COL21A1: variants seen among roughly 807,000 people sequenced by gnomAD.
COL21A1 encodes the protein collagen type XXI alpha 1 chain, also known as collagen alpha-1(XXI) chain.
In COL21A1, 149 loss-of-function variants were observed where a neutral mutation model predicts 137.9. The observed-to-expected ratio is 1.08, with a 90% CI of 0.95 to 1.24. The LOEUF is 1.24. Among genes scored for constraint, COL21A1 ranks in the 50% most tolerant of loss-of-function variants. The pLI is 0.00. For synonymous variants in COL21A1, 456 were observed against 391.5 expected, an observed-to-expected ratio of 1.16 and a Z score of -1.95; for missense variants, 1,167 against 1,158.4, an observed-to-expected ratio of 1.01 and a Z score of -0.11.
In COL21A1 at chr6:56,086,791, T is replaced by C. The variant is rs191234851; in HGVS notation, c.1813-9218A>G. 1.3e-3 allele frequency among the ~76,000 whole-genome samples: 200 copies of C among 152,312 alleles called. 1 individual carries two copies. The highest frequency in any genetic ancestry group is 4.7e-3 in the African/African-American group (197 of 41,582). On this transcript the variant is annotated intron_variant, in intron 17 of 29. Transcript: ENST00000244728. ...TAAGGCAGCAATCCTTCTTCCACTA[T>C]TTGCTTCAGTGTCAGTACCCATATC...
chr6:56,389,444 G>A (rs181873665), intron 1 of COL21A1, among the ~76,000 whole-genome samples: 2 of 150,678 alleles, frequency 1.3e-5, no homozygotes, highest in African/African-American at 4.9e-5. Context: ...CAAGAAAGTA[G>A]ACTTAAAATG....
Position 56,067,301 on chromosome 6 carries a change from A to C in COL21A1, c.2121T>G (p.Gly707=), listed in dbSNP as rs1310815348. The change falls in exon 23 of 30, where the codon GGT becomes GGG. Residue 707 remains glycine, a synonymous_variant. Coordinates refer to ENST00000244728, the MANE Select transcript of COL21A1 (RefSeq NM_030820.4). ...AAAAAAGCAAACAACATACCTGAATACCTTTTTCACCTTGATTTCCTTTGT... is the reference window on the plus strand; with the variant it reads ...AAAAAAGCAAACAACATACCTGAATCCCTTTTTCACCTTGATTTCCTTTGT... ...KGDKGNQGEK[G]IQGQKGENGR... 2 of 1,608,734 alleles carry C rather than the reference A, an allele frequency of 1.2e-6. No homozygotes were observed. Among genetic ancestry groups the C allele is most frequent in the South Asian group, 2.2e-5 (2 of 90,692 alleles).
intron 1 of COL21A1, among the ~76,000 whole-genome samples, chr6:56,201,246 C>T (rs1322289893): frequency 1.3e-5 from 2 of 152,086 alleles, no homozygotes; most frequent in African/African-American, 2.4e-5. Context: ...TTCTCCCATT[C>T]TGTAGGTTGC....
chr6:56,093,021 A>G (rs564549660), intron 17 of COL21A1, among the ~76,000 whole-genome samples: 2 of 152,072 alleles, frequency 1.3e-5, no homozygotes, highest in African/African-American at 4.8e-5. Flanking sequence ...CCTCTTCCCT[A>G]TGTGAAATTT....
intron 9 of COL21A1, among the ~76,000 whole-genome samples, chr6:56,162,880 C>T (rs918265508): frequency 4.6e-5 from 7 of 152,072 alleles, no homozygotes; most frequent in African/African-American, 9.7e-5. Context: ...AAATAATAGA[C>T]GGTTACTTTA....
chr6:56,125,348 A>T, intron 14 of COL21A1: 1 of 351,208 alleles, frequency 2.8e-6, no homozygotes, highest in Non-Finnish European at 5.1e-6. Flanking sequence ...CAGAATGATC[A>T]ACAATACAAC....
chr6:56,066,245 G>T (rs1171449666), intron 23 of COL21A1, among the ~76,000 whole-genome samples: 1 of 151,878 alleles, frequency 6.6e-6, no homozygotes, highest in Non-Finnish European at 1.5e-5. Context: ...GATAAAAATT[G>T]TCTAAAAAAC....
At chr6:56,167,278 G>A (rs896087064) in intron 6 of COL21A1, among the ~76,000 whole-genome samples, 1 of 152,090 alleles carries the variant, frequency 6.6e-6, no homozygotes, top group African/African-American at 2.4e-5. Flanking sequence ...AGAGCATTTT[G>A]TCGGACACTT....
intron 1 of COL21A1, among the ~76,000 whole-genome samples, chr6:56,285,045 A>G (rs969548307): frequency 5.3e-5 from 8 of 152,168 alleles, no homozygotes; most frequent in African/African-American, 1.9e-4. Flanking sequence ...CCTGCACTCT[A>G]TTGATTTTGG....
chr6:56,298,484 TG>T (rs1199188643), intron 1 of COL21A1, among the ~76,000 whole-genome samples: 13 of 152,016 alleles, frequency 8.6e-5, no homozygotes, highest in Non-Finnish European at 1.9e-4. Flanking sequence ...TTGTTGTCTC[TG>T]TAACCTATAA....
chr6:56,316,565 T>C (rs1179697693), intron 1 of COL21A1, among the ~76,000 whole-genome samples: 2 of 136,336 alleles, frequency 1.5e-5, no homozygotes, highest in Non-Finnish European at 3.1e-5. Context: ...CACTGCAACC[T>C]CTGTCTCTCA....
chr6:56,058,496 T>A (rs1281238550), intron 29 of COL21A1, among the ~76,000 whole-genome samples: 1 of 152,154 alleles, frequency 6.6e-6, no homozygotes, highest in Non-Finnish European at 1.5e-5. Flanking sequence ...GCACAGTGGT[T>A]TGGGCCACTT....
At chr6:56,071,173 T>G (rs1049927667) in intron 20 of COL21A1, among the ~76,000 whole-genome samples, 3 of 151,548 alleles carry the variant, frequency 2.0e-5, no homozygotes, top group Non-Finnish European at 3.0e-5. Context: ...TCTCACTTTC[T>G]CAGTAGGACT....
chr6:56,388,189 G>A (rs1386770361), intron 1 of COL21A1, among the ~76,000 whole-genome samples: 1 of 152,218 alleles, frequency 6.6e-6, no homozygotes, highest in Non-Finnish European at 1.5e-5. Flanking sequence ...GCCCTGAAGG[G>A]AAGGATCTAG....
intron 1 of COL21A1, among the ~76,000 whole-genome samples, chr6:56,212,847 T>C (rs1209052729): frequency 2.0e-5 from 3 of 152,056 alleles, no homozygotes; most frequent in African/African-American, 7.2e-5. Flanking sequence ...AAAAAATGAA[T>C]GATATATACT....
chr6:56,103,971 T>C (rs1770665932), intron 16 of COL21A1, among the ~76,000 whole-genome samples: 1 of 152,148 alleles, frequency 6.6e-6, no homozygotes, highest in African/African-American at 2.4e-5. Flanking sequence ...AAAACAGACT[T>C]ACAGACTCTT....
intron 1 of COL21A1, among the ~76,000 whole-genome samples, chr6:56,322,683 C>A (rs1010053735): frequency 6.6e-6 from 1 of 151,990 alleles, no homozygotes; most frequent in Non-Finnish European, 1.5e-5. Context: ...TTCTTATAAA[C>A]CTTAAACTTA....
Position 56,253,171 on chromosome 6 carries a change from T to C in COL21A1, c.-38-70515A>G, listed in dbSNP as rs1782894473. On this transcript the variant is annotated intron_variant, in intron 1 of 28. Coordinates refer to the COL21A1 transcript ENST00000370819. The stretch of plus-strand genomic sequence containing the variant: ...TTCATAGCCCTACCCTGAAAATAAT[T>C]GGGAAATATTTCAGATGCTCACTGC... Among the ~76,000 whole-genome samples, 3 of 152,182 alleles carry C rather than the reference T, an allele frequency of 2.0e-5. No homozygotes were observed. In the South Asian group the frequency reaches 6.2e-4, roughly 32 times the overall value.
chr6:56,263,610 A>C (rs1763332819), intron 1 of COL21A1, among the ~76,000 whole-genome samples: 1 of 152,236 alleles, frequency 6.6e-6, no homozygotes, highest in South Asian at 2.1e-4. Context: ...GCCCACAGTC[A>C]GGGAAGCTAA....
Sources: gnomAD v4.1 joint callset for allele counts (sites outside exome capture counted in the v4.1 genomes callset) on GRCh38, gnomAD v4.1.1 for gene constraint, MANE v1.5 for transcripts, NCBI Gene and HGNC (gene_info 2026-07-23, HGNC 2026-07-21) for gene names.